MYT1L: variants seen among roughly 807,000 people sequenced by gnomAD.
The protein encoded by MYT1L is myelin transcription factor 1 like, also known as myelin transcription factor 1-like protein.
MYT1L carries 12 observed loss-of-function variants against 126.7 expected under a neutral mutation model. The observed-to-expected ratio is 0.09, with a 90% CI of 0.06 to 0.15. The LOEUF (loss-of-function observed/expected upper bound fraction) is 0.15. MYT1L is among the 10% of genes least tolerant of loss of function. The pLI is 1.00. For synonymous variants in MYT1L, 541 were observed against 604.2 expected, an observed-to-expected ratio of 0.90 and a Z score of 1.53; for missense variants, 979 against 1,585.2, an observed-to-expected ratio of 0.62 and a Z score of 6.49.
chr2:2,324,119 G>A (rs1373197729), intron 1 of MYT1L: 1 of 152,108 alleles, frequency 6.6e-6, no homozygotes, highest in East Asian at 1.9e-4. Flanking sequence ...GCTCCACTTT[G>A]GGAAGTGGAA....
rs141275093 is a variant in MYT1L at position 2,151,564 on chromosome 2, T to C, written c.-304+21308A>G. Reference sequence around the variant, plus strand: ...TACTATAGGAAGTGCAATATGACATTTGAAATCCATTAGCTCCTCTTGTTC... The same window carrying C: ...TACTATAGGAAGTGCAATATGACATCTGAAATCCATTAGCTCCTCTTGTTC... On this transcript the variant is annotated intron_variant, in intron 3 of 24. Transcript: ENST00000647738. 5.1e-4 allele frequency among the ~76,000 whole-genome samples: 77 copies of C among 152,306 alleles called. 1 individual carries two copies. The East Asian group carries it at 0.014, about 28-fold the overall frequency.
intron 3 of MYT1L, among the ~76,000 whole-genome samples, chr2:2,087,106 C>A (rs2076433143): frequency 1.3e-5 from 2 of 152,200 alleles, no homozygotes; most frequent in African/African-American, 4.8e-5. Flanking sequence ...ACACGTAACT[C>A]CCCGTGACAC....
At chr2:1,973,975 T>C (rs2059994288) in intron 8 of MYT1L, among the ~76,000 whole-genome samples, 1 of 152,216 alleles carries the variant, frequency 6.6e-6, no homozygotes, top group Non-Finnish European at 1.5e-5. Context: ...GCTTCCTCAA[T>C]GTCAAGGTTG....
intron 3 of MYT1L, among the ~76,000 whole-genome samples, chr2:2,096,111 C>G (rs2077443389): frequency 6.6e-6 from 1 of 152,190 alleles, no homozygotes; most frequent in Admixed American, 6.5e-5. Flanking sequence ...AAAAGAATGA[C>G]CACAGCGAAT....
At chr2:1,816,220 T>A (rs1194883294) in intron 21 of MYT1L, 2 of 152,654 alleles carry the variant, frequency 1.3e-5, no homozygotes, top group Non-Finnish European at 2.9e-5. Context: ...TACTAACACA[T>A]CACACAAGCA....
chr2:2,211,586 T>G (rs1418374415), intron 2 of MYT1L, among the ~76,000 whole-genome samples: 1 of 152,012 alleles, frequency 6.6e-6, no homozygotes, highest in Non-Finnish European at 1.5e-5. Flanking sequence ...GGCGGGCAGA[T>G]CATGAGGTCA....
chr2:2,200,795 C>G (rs530649983), intron 2 of MYT1L, among the ~76,000 whole-genome samples: 1 of 152,162 alleles, frequency 6.6e-6, no homozygotes, highest in African/African-American at 2.4e-5. Context: ...CATGGCTGTT[C>G]GGCTCCGGTG....
At chr2:1,967,908 G>A (rs999924787) in intron 8 of MYT1L, among the ~76,000 whole-genome samples, 1 of 152,188 alleles carries the variant, frequency 6.6e-6, no homozygotes, top group Admixed American at 6.5e-5. Context: ...GAGTCCTGCT[G>A]TCTGTGTGTC....
intron 2 of MYT1L, among the ~76,000 whole-genome samples, chr2:2,276,650 C>T (rs1051087540): frequency 1.3e-5 from 2 of 152,106 alleles, no homozygotes; most frequent in African/African-American, 2.4e-5. Flanking sequence ...ACCAAGCCAC[C>T]GAAAAGCAGC....
chr2:2,032,581 A>C (rs111564004), intron 4 of MYT1L, among the ~76,000 whole-genome samples: 26 of 116,142 alleles, frequency 2.2e-4, no homozygotes, highest in Admixed American at 3.5e-4. Flanking sequence ...CGGCCCAGAG[A>C]AGATTCTAGA....
At chr2:2,069,503 G>C (rs1019948343) in intron 3 of MYT1L, among the ~76,000 whole-genome samples, 3 of 152,056 alleles carry the variant, frequency 2.0e-5, no homozygotes, top group Non-Finnish European at 2.9e-5. Context: ...CCAAGTCTTT[G>C]CTATTGTGAA....
intron 2 of MYT1L, among the ~76,000 whole-genome samples, chr2:2,206,912 A>C (rs1464405864): frequency 6.6e-6 from 1 of 152,248 alleles, no homozygotes; most frequent in South Asian, 2.1e-4. Flanking sequence ...GTGTCCCTAC[A>C]TGCAAGAAGG....
chr2:2,305,811 G>A (rs2095850152), intron 1 of MYT1L: 1 of 152,048 alleles, frequency 6.6e-6, no homozygotes, highest in South Asian at 2.1e-4. Flanking sequence ...GATCTCATGA[G>A]AACTCACTTA....
intron 2 of MYT1L, among the ~76,000 whole-genome samples, chr2:2,217,688 C>A (rs868060915): frequency 0.035 from 2,443 of 69,590 alleles, 138 homozygotes; most frequent in Middle Eastern, 0.05. Context: ...ACAACAACAA[C>A]AACAACAACA....
At chr2:1,902,271 A>T (rs1385733672) in intron 14 of MYT1L, among the ~76,000 whole-genome samples, 2 of 152,250 alleles carry the variant, frequency 1.3e-5, no homozygotes, top group African/African-American at 4.8e-5. Context: ...TGGTCAAAAT[A>T]AACTACCCCT....
At chr2:2,291,829 C>A (rs180902701) in intron 1 of MYT1L, among the ~76,000 whole-genome samples, 1 of 152,336 alleles carries the variant, frequency 6.6e-6, no homozygotes. Flanking sequence ...CTGAAAAGAA[C>A]CTAAAAGTCA....
At chr2:2,109,872 A>AC (rs2079172336) in intron 3 of MYT1L, among the ~76,000 whole-genome samples, 1 of 78,430 alleles carries the variant, frequency 1.3e-5, no homozygotes, top group Non-Finnish European at 2.5e-5. Flanking sequence ...AAAAGTGCTG[A>AC]TTTTATATAT....
chr2:2,057,975 G>A (rs1414582212), intron 3 of MYT1L, among the ~76,000 whole-genome samples: 20 of 152,148 alleles, frequency 1.3e-4, no homozygotes, highest in Admixed American at 1.3e-3. Context: ...GGATAGCTGG[G>A]TCATACAGCA....
chr2:2,008,653 T>C (rs1185954227), intron 4 of MYT1L, among the ~76,000 whole-genome samples: 2 of 152,232 alleles, frequency 1.3e-5, no homozygotes. Context: ...TGTGATATTG[T>C]TTCTTTGGCT....
Sources: gnomAD v4.1 joint callset for allele counts (sites outside exome capture counted in the v4.1 genomes callset) on GRCh38, gnomAD v4.1.1 for gene constraint, MANE v1.5 for transcripts, NCBI Gene and HGNC (gene_info 2026-07-23, HGNC 2026-07-21) for gene names.